The following TMEM169 variants were observed in gnomAD, a reference collection of about 807,000 sequenced individuals.
The protein encoded by TMEM169 is transmembrane protein 169.
A neutral mutation model predicts 27.3 loss-of-function variants in TMEM169; 18 were observed. The observed-to-expected ratio is 0.66, with a 90% CI of 0.46 to 0.98. TMEM169 has a LOEUF of 0.98. TMEM169 is among the 50% of genes least tolerant of loss of function. The pLI is 0.00. For synonymous variants in TMEM169, 136 were observed against 142.1 expected, an observed-to-expected ratio of 0.96 and a Z score of 0.30; for missense variants, 320 against 368.6, an observed-to-expected ratio of 0.87 and a Z score of 1.08.
Position 216,100,717 on chromosome 2 carries a change from G to A in TMEM169, c.*175G>A. The stretch of plus-strand genomic sequence containing the variant: ...TTCCAGGAGGGCATGGAGCAGACAA[G>A]CAATTGTGCCAAAGCAGTTCACCCA... On this transcript the variant is annotated 3_prime_UTR_variant, in exon 3 of 3. Coordinates refer to ENST00000437356, the MANE Select transcript of TMEM169 (RefSeq NM_001142311.2). 1 of 829,946 alleles carries A rather than the reference G, an allele frequency of 1.2e-6. No homozygotes were observed. Among genetic ancestry groups the A allele is most frequent in the Non-Finnish European group, 1.8e-6 (1 of 543,296 alleles). 51.4% of individuals were successfully genotyped at this position (829,946 alleles called of 1,614,324 possible). A position where few individuals can be genotyped will look rare whatever the true frequency, so the allele number is the denominator to read the frequency against.
At chr2:216,089,102 T>A (rs1460715593) in intron 1 of TMEM169, among the ~76,000 whole-genome samples, 1 of 152,134 alleles carries the variant, frequency 6.6e-6, no homozygotes, top group African/African-American at 2.4e-5. Flanking sequence ...CTGGCAATTA[T>A]GGGTTGGAGA....
rs1378607072 is a variant in TMEM169 at position 216,099,679 on chromosome 2, G to A, written c.272-241G>A. ...AGAGAGTAGGTGAAAAGCTTAACCT[G>A]CCTCACAATTTTATCAGGGCCCAGG... On this transcript the variant is annotated intron_variant, in intron 2 of 2. Transcript: ENST00000437356. The surrounding 1 kb of genome is among the most constrained non-coding windows in gnomAD (Gnocchi z 5.0). Among the ~76,000 whole-genome samples, 1 of 152,092 alleles carries A rather than the reference G, an allele frequency of 6.6e-6. No individual in the cohort carries two copies. The highest frequency in any genetic ancestry group is 1.5e-5 in the Non-Finnish European group (1 of 67,998).
At chr2:216,084,429 A>C (rs894799719) in intron 1 of TMEM169, among the ~76,000 whole-genome samples, 7 of 152,220 alleles carry the variant, frequency 4.6e-5, no homozygotes, top group Admixed American at 3.3e-4. Context: ...TTTCACAAAA[A>C]ATAAGCTACT....
At chr2:216,090,733 G>A (rs1026542490) in intron 1 of TMEM169, among the ~76,000 whole-genome samples, 7 of 152,192 alleles carry the variant, frequency 4.6e-5, no homozygotes, top group South Asian at 2.1e-4. Context: ...GTTTATTGAC[G>A]CACATAATTG....
At chr2:216,083,001 A>G (rs1029362873) in intron 1 of TMEM169, 4 of 152,242 alleles carry the variant, frequency 2.6e-5, no homozygotes, top group Non-Finnish European at 5.9e-5. Flanking sequence ...CACTTCCTCC[A>G]CCAGGTCCCA....
In TMEM169 at chr2:216,100,278, C is replaced by T. The variant is rs747189128; in HGVS notation, c.630C>T (p.Leu210=). 4.3e-6 allele frequency: 7 copies of T among 1,613,826 alleles called. No individual in the cohort carries two copies. The East Asian group carries it at 8.9e-5, about 21-fold the overall frequency. ...ACAAGATCTCGTATTGCCCTTGCCT[C>T]GTTCTCTTCTATCCAGTGCTCATCA... The part of the protein sequence containing the change: ...FWHKISYCPC[L]VLFYPVLIMA... Residue 210 remains leucine, a synonymous_variant, in exon 3 of 3, where the codon CTC becomes CTT. Coordinates refer to ENST00000437356, the MANE Select transcript of TMEM169 (RefSeq NM_001142311.2).
chr2:216,100,996 A>G lies in TMEM169; in HGVS notation c.*454A>G, dbSNP rs1696383765. 5.0e-6 allele frequency: 1 copy of G among 198,476 alleles called. No homozygotes were observed. The highest frequency in any genetic ancestry group is 2.4e-5 in the African/African-American group (1 of 41,888). The allele number at this position is 198,476 out of a possible 1,614,324, so 12.3% of individuals were successfully genotyped here. A position where few individuals can be genotyped will look rare whatever the true frequency, so the allele number is the denominator to read the frequency against. ...TAGCAGAAGGTAAAGATTTGTGTGT[A>G]TCATTTAGATTTAGATTTAGCTGCA... On this transcript the variant is annotated 3_prime_UTR_variant, in exon 3 of 3. Coordinates refer to ENST00000437356, the MANE Select transcript of TMEM169 (RefSeq NM_001142311.2).
At position 216,099,913 on chromosome 2, in the gene TMEM169, C is replaced by G. The variant is rs1696346626; in HGVS notation, c.272-7C>G. The G allele has an allele frequency of 3.7e-6, 6 of 1,606,738 alleles. No individual in the cohort carries two copies. Among genetic ancestry groups the G allele is most frequent in the Non-Finnish European group, 5.1e-6 (6 of 1,176,910 alleles). On this transcript the variant is annotated splice_region_variant and splice_polypyrimidine_tract_variant and intron_variant, in intron 2 of 2. Transcript: ENST00000437356. The surrounding 1 kb of genome is among the most constrained non-coding windows in gnomAD (Gnocchi z 5.0). ...ATCTTGACTCTCACCTCCTTTGTAC[C>G]CTGCAGATATGTGGAACCTGCCTCT...
rs1696371375 is a variant in TMEM169 at position 216,100,485 on chromosome 2, C to T, written c.837C>T (p.Ile279=). 1 of 1,614,006 alleles carries T rather than the reference C, an allele frequency of 6.2e-7. No individual in the cohort carries two copies. The highest frequency in any genetic ancestry group is 1.3e-5 in the African/African-American group (1 of 74,962). ...SIVELLESDN[I]SSTLSNKDPI... is the part of the protein sequence containing the mutation. ...TGGAGTTGCTTGAATCCGACAATATCTCAAGCACTCTCTCCAACAAGGACC... is the reference window on the plus strand; with the variant it reads ...TGGAGTTGCTTGAATCCGACAATATTTCAAGCACTCTCTCCAACAAGGACC... Residue 279 remains isoleucine (I), a synonymous_variant, in exon 3 of 3, where the codon ATC becomes ATT. Coordinates refer to ENST00000437356, the MANE Select transcript of TMEM169 (RefSeq NM_001142311.2).
intron 2 of TMEM169, among the ~76,000 whole-genome samples, chr2:216,096,439 A>G (rs1696266345): frequency 1.3e-5 from 2 of 152,180 alleles, no homozygotes; most frequent in Non-Finnish European, 2.9e-5. Flanking sequence ...ATGTCGCCTC[A>G]CTGCAACTTC....
In TMEM169 at chr2:216,102,609, C is replaced by T. The variant is rs1032858529; in HGVS notation, c.*2067C>T. ...GATGTATGGTGCTGAGCTCCACCTT[C>T]AGAGGAACTCTCTCTTTTTTTTTTT... On this transcript the variant is annotated 3_prime_UTR_variant, in exon 3 of 3. Coordinates refer to ENST00000437356, the MANE Select transcript of TMEM169 (RefSeq NM_001142311.2). 6.6e-6 allele frequency: 1 copy of T among 150,828 alleles called. No homozygotes were observed. The allele number at this position is 150,828 out of a possible 1,614,324, so 9.3% of individuals were successfully genotyped here.
At chr2:216,088,716 G>A (rs1159106773) in intron 1 of TMEM169, among the ~76,000 whole-genome samples, 1 of 152,176 alleles carries the variant, frequency 6.6e-6, no homozygotes, top group African/African-American at 2.4e-5. Context: ...GTAATTCAGT[G>A]AGATAATGCA....
At chr2:216,085,878 A>C (rs994980315) in intron 1 of TMEM169, among the ~76,000 whole-genome samples, 5 of 152,154 alleles carry the variant, frequency 3.3e-5, no homozygotes, top group South Asian at 2.1e-4. Context: ...TCTCAAAAAA[A>C]AAAAACAAAA....
At chr2:216,084,329 G>T (rs2105977801) in intron 1 of TMEM169, among the ~76,000 whole-genome samples, 1 of 152,256 alleles carries the variant, frequency 6.6e-6, no homozygotes, top group East Asian at 1.9e-4. Context: ...CCCCTACCTT[G>T]AAGCAAAACT....
Position 216,099,992 on chromosome 2 carries a change from G to T in TMEM169, c.344G>T (p.Gly115Val), listed in dbSNP as rs1696349077. The T allele has an allele frequency of 1.2e-6, 2 of 1,614,016 alleles. No individual in the cohort carries two copies. The highest frequency in any genetic ancestry group is 1.7e-6 in the Non-Finnish European group (2 of 1,180,044). Residue 115 changes from glycine to valine, a missense_variant, in exon 3 of 3, where the codon GGT (glycine) becomes GTT (valine). Transcript: ENST00000437356. This position sits in a 1 kb window ranked among gnomAD's most constrained non-coding sequence, Gnocchi z 5.0. The part of the protein sequence containing the change: ...TGTITRGKKK[G>V]QMVDIHVTLT... ...ACCATCACACGAGGGAAGAAAAAGG[G>T]TCAGATGGTGGACATCCATGTCACA...
intron 1 of TMEM169, among the ~76,000 whole-genome samples, chr2:216,084,842 G>A (rs1332102817): frequency 2.6e-5 from 4 of 152,228 alleles, no homozygotes; most frequent in Non-Finnish European, 5.9e-5. Flanking sequence ...TACACAGCCA[G>A]TGTGATTGGA....
rs754009279 is a variant in TMEM169, at chr2:216,096,069, A to G, written c.106A>G (p.Thr36Ala). ...AAALALDGES[T>A]MGHRKKKRKE... is the part of the protein sequence containing the mutation. ...TGCCCTGGCGCTGGATGGGGAATCC[A>G]CAATGGGGCACAGGAAAAAGAAGAG... Residue 36 changes from threonine to alanine, a missense_variant, in exon 2 of 3, where the codon ACA becomes GCA. Transcript: ENST00000437356. 1.9e-6 allele frequency: 3 copies of G among 1,614,228 alleles called. No individual in the cohort carries two copies. The highest frequency in any genetic ancestry group is 1.6e-4 in the Middle Eastern group (1 of 6,062).
At chr2:216,090,103 A>G (rs564125783) in intron 1 of TMEM169, among the ~76,000 whole-genome samples, 1 of 152,202 alleles carries the variant, frequency 6.6e-6, no homozygotes, top group Non-Finnish European at 1.5e-5. Context: ...TGAACTGGAT[A>G]TGAGTGGCTA....
chr2:216,100,600 T>G lies in TMEM169; in HGVS notation c.*58T>G, dbSNP rs1696375467. Reference sequence around the variant, plus strand: ...AGTAGCCTATATATCATCTTAAAATTCCAGCAGATTATTTCTTTAAATTAC... The same window carrying G: ...AGTAGCCTATATATCATCTTAAAATGCCAGCAGATTATTTCTTTAAATTAC... On this transcript the variant is annotated 3_prime_UTR_variant, in exon 3 of 3. Transcript: ENST00000437356. The G allele has an allele frequency of 6.2e-7, 1 of 1,606,052 alleles. No homozygotes were observed. Among genetic ancestry groups the G allele is most frequent in the Admixed American group, 1.7e-5 (1 of 59,842 alleles).
Sources: allele counts gnomAD v4.1 joint callset (sites outside exome capture counted in the v4.1 genomes callset), GRCh38; gene constraint gnomAD v4.1.1; non-coding constraint Gnocchi (gnomAD v3.1); transcripts MANE v1.5; gene names NCBI Gene and HGNC (gene_info 2026-07-23, HGNC 2026-07-21).